The following RAP1GDS1 variants were observed in gnomAD, a reference collection of about 807,000 sequenced individuals.
The protein encoded by RAP1GDS1 is Rap1 GTPase-GDP dissociation stimulator 1, also known as RAP1, GTP-GDP dissociation stimulator 1.
Under a neutral mutation model 71.1 loss-of-function variants are expected in RAP1GDS1, and 35 were observed. That is an observed-to-expected ratio of 0.49 (90% CI 0.38 to 0.65). The LOEUF is 0.65. Ranked by LOEUF, RAP1GDS1 falls within the 30% of genes least tolerant of loss-of-function variation. The pLI is 0.00. For synonymous variants in RAP1GDS1, 229 were observed against 243.1 expected, an observed-to-expected ratio of 0.94 and a Z score of 0.54; for missense variants, 663 against 706.1, an observed-to-expected ratio of 0.94 and a Z score of 0.69.
At chr4:98,278,596 T>A (rs1724573151) in intron 1 of RAP1GDS1, among the ~76,000 whole-genome samples, 1 of 152,188 alleles carries the variant, frequency 6.6e-6, no homozygotes, top group Non-Finnish European at 1.5e-5. Context: ...ATGGAATAGA[T>A]TCTCTGCTCT....
At chr4:98,387,982 G>A (rs1168300842) in intron 5 of RAP1GDS1, among the ~76,000 whole-genome samples, 1 of 152,070 alleles carries the variant, frequency 6.6e-6, no homozygotes, top group Non-Finnish European at 1.5e-5. Flanking sequence ...TCATACTCCT[G>A]ATAACATTCA....
At chr4:98,399,532 A>G (rs1378146262) in intron 6 of RAP1GDS1, among the ~76,000 whole-genome samples, 4 of 152,142 alleles carry the variant, frequency 2.6e-5, no homozygotes, top group Non-Finnish European at 5.9e-5. Context: ...GGGCTCAAGC[A>G]GTCCACCTGC....
chr4:98,296,417 C>T (rs994025243), intron 2 of RAP1GDS1, among the ~76,000 whole-genome samples: 2 of 151,798 alleles, frequency 1.3e-5, no homozygotes, highest in African/African-American at 4.8e-5. Flanking sequence ...CAGTATTTCT[C>T]TCTGTAACGT....
intron 6 of RAP1GDS1, among the ~76,000 whole-genome samples, chr4:98,399,270 A>T (rs2110142878): frequency 6.6e-6 from 1 of 152,320 alleles, no homozygotes; most frequent in Admixed American, 6.5e-5. Flanking sequence ...AACAGAGTGA[A>T]AAGAGAGGCT....
chr4:98,332,942 T>C (rs1322685121), intron 2 of RAP1GDS1, among the ~76,000 whole-genome samples: 1 of 152,176 alleles, frequency 6.6e-6, no homozygotes, highest in African/African-American at 2.4e-5. Context: ...AAACCTTTCG[T>C]GAGCTGCATA....
chr4:98,340,550 C>T (rs978571690), intron 2 of RAP1GDS1, among the ~76,000 whole-genome samples: 1 of 152,030 alleles, frequency 6.6e-6, no homozygotes, highest in Non-Finnish European at 1.5e-5. Flanking sequence ...TAGTTCAAGA[C>T]CAGCCTGGCC....
At chr4:98,378,775 A>T (rs1036990168) in intron 4 of RAP1GDS1, among the ~76,000 whole-genome samples, 6 of 151,956 alleles carry the variant, frequency 3.9e-5, no homozygotes, top group Non-Finnish European at 1.5e-5. Flanking sequence ...GTAAGCTCCT[A>T]TATGATGCCA....
chr4:98,441,734 T>A, intron 14 of RAP1GDS1: 1 of 635,166 alleles, frequency 1.6e-6, no homozygotes, highest in Non-Finnish European at 2.0e-6. Flanking sequence ...GCCACTGTAC[T>A]CAAACCTGGG....
chr4:98,364,689 T>C (rs1472118564), intron 4 of RAP1GDS1, among the ~76,000 whole-genome samples: 1 of 152,074 alleles, frequency 6.6e-6, no homozygotes, highest in Non-Finnish European at 1.5e-5. Flanking sequence ...GGAAAAACTT[T>C]TTACATTTTT....
At chr4:98,356,012 G>A (rs893121986) in intron 4 of RAP1GDS1, among the ~76,000 whole-genome samples, 5 of 152,024 alleles carry the variant, frequency 3.3e-5, no homozygotes, top group African/African-American at 1.2e-4. Flanking sequence ...TTTCTCTTTC[G>A]AAGTATCCGA....
At chr4:98,299,512 A>G (rs4493539) in intron 2 of RAP1GDS1, among the ~76,000 whole-genome samples, 301 of 152,322 alleles carry the variant, frequency 2.0e-3, no homozygotes, top group African/African-American at 7.1e-3. Flanking sequence ...AATAGCAGGA[A>G]AACTAGAATT....
intron 5 of RAP1GDS1, chr4:98,387,399 G>A (rs1490976280): frequency 2.2e-6 from 1 of 455,206 alleles, no homozygotes; most frequent in Non-Finnish European, 4.4e-6. Context: ...AAAACTCAGG[G>A]GGGAAAAGGT....
intron 1 of RAP1GDS1, among the ~76,000 whole-genome samples, chr4:98,287,945 A>T (rs1726284161): frequency 6.6e-6 from 1 of 152,138 alleles, no homozygotes; most frequent in Non-Finnish European, 1.5e-5. Context: ...TTTAATTTTC[A>T]ATTTTATTGG....
intron 2 of RAP1GDS1, among the ~76,000 whole-genome samples, chr4:98,297,377 T>TA (rs1186181835): frequency 1.3e-5 from 2 of 152,186 alleles, no homozygotes; most frequent in African/African-American, 4.8e-5. Context: ...GCTTCACAAA[T>TA]ACTGTATTTT....
chr4:98,380,898 G>A (rs1172902149), intron 5 of RAP1GDS1, among the ~76,000 whole-genome samples: 3 of 151,478 alleles, frequency 2.0e-5, no homozygotes, highest in Admixed American at 1.3e-4. Flanking sequence ...TGAGGAAGCT[G>A]TTAAAAAAAA....
At chr4:98,416,334 GTTTTTTTTTTTTTTTTTT>G (rs70955932) in intron 7 of RAP1GDS1, among the ~76,000 whole-genome samples, 3 of 51,554 alleles carry the variant, frequency 5.8e-5, no homozygotes, top group African/African-American at 1.7e-4. Flanking sequence ...CATTTTCTTA[GTTTTTTTTTTTTTTTTTT>G]TTTTTTTTTT....
At chr4:98,266,956 C>T (rs1028043317) in intron 1 of RAP1GDS1, among the ~76,000 whole-genome samples, 1 of 152,098 alleles carries the variant, frequency 6.6e-6, no homozygotes, top group Non-Finnish European at 1.5e-5. Context: ...TAACAACAGC[C>T]ATCAGAATTA....
chr4:98,296,494 T>C lies in RAP1GDS1; in HGVS notation c.112+2979T>C, dbSNP rs1727779580. On this transcript the variant is annotated intron_variant, in intron 2 of 14. Coordinates refer to ENST00000408927, the MANE Select transcript of RAP1GDS1 (RefSeq NM_001100427.2). ...ATACTTACTAGATTTTATGAAAACA[T>C]TTTGTTTAAGCAAGCATTTTGTGTA... is the stretch of plus-strand genomic sequence containing the variant. Among the ~76,000 whole-genome samples, 5 of 151,832 alleles carry C rather than the reference T, an allele frequency of 3.3e-5. No individual in the cohort carries two copies. In the South Asian group the frequency reaches 1.0e-3, roughly 32 times the overall value.
intron 7 of RAP1GDS1, among the ~76,000 whole-genome samples, chr4:98,405,087 GGATCA>G (rs1410926788): frequency 1.3e-5 from 2 of 152,140 alleles, no homozygotes; most frequent in African/African-American, 4.8e-5. Context: ...TACTCAAAGA[GGATCA>G]GATATTAATA....
Sources: gnomAD v4.1 joint callset for allele counts (sites outside exome capture counted in the v4.1 genomes callset) on GRCh38, gnomAD v4.1.1 for gene constraint, MANE v1.5 for transcripts, NCBI Gene and HGNC (gene_info 2026-07-23, HGNC 2026-07-21) for gene names.